Variants in ZNF469 observed in about 807,000 individuals in gnomAD.
The protein encoded by ZNF469 is zinc finger protein 469.
Under a neutral mutation model 1.0 loss-of-function variants are expected in ZNF469, and 1 was observed. The observed-to-expected ratio is 1.00, with a 90% CI of 0.35 to 4.73. ZNF469 has a LOEUF of 4.73. Among genes scored for constraint, ZNF469 ranks in the 30% most tolerant of loss-of-function variants. The pLI, the probability that ZNF469 is intolerant of heterozygous loss-of-function variation, is 0.16. For missense variants in ZNF469, 6,100 were observed against 5,356.3 expected (o/e 1.14, Z -4.33); for synonymous variants, 2,703 against 2,363.4 (o/e 1.14, Z -4.17).
At chr16:88,270,434 G>T in the ZNF469 span, among the ~76,000 whole-genome samples, 1 of 152,178 alleles carries the variant, frequency 6.6e-6, no homozygotes, top group Non-Finnish European at 1.5e-5. Context: ...CTGCCTGGAG[G>T]GTATGGAAAA....
the ZNF469 span, among the ~76,000 whole-genome samples, chr16:88,355,581 G>T: frequency 1.3e-5 from 2 of 152,220 alleles, no homozygotes; most frequent in Admixed American, 1.3e-4. Context: ...TCAGATCTCA[G>T]TGCTGGTGGT....
At chr16:88,289,348 G>T in the ZNF469 span, among the ~76,000 whole-genome samples, 1 of 150,362 alleles carries the variant, frequency 6.7e-6, no homozygotes, top group Non-Finnish European at 1.5e-5. Context: ...GTTGATGAGG[G>T]TGTTGATGAG....
chr16:88,246,463 C>T, the ZNF469 span, among the ~76,000 whole-genome samples: 1 of 152,164 alleles, frequency 6.6e-6, no homozygotes, highest in African/African-American at 2.4e-5. Context: ...TGTTGAAGGA[C>T]CTGTAGGCAT....
chr16:88,404,963 G>A (rs1309399713), intron 1 of ZNF469, among the ~76,000 whole-genome samples: 5 of 152,202 alleles, frequency 3.3e-5, no homozygotes, highest in African/African-American at 7.2e-5. Flanking sequence ...GGCTGTGCAG[G>A]GGGACTTCAG....
chr16:88,348,164 C>T, the ZNF469 span, among the ~76,000 whole-genome samples: 1 of 152,218 alleles, frequency 6.6e-6, no homozygotes. Flanking sequence ...GCAGCAGAAG[C>T]GATCCTTTCA....
chr16:88,184,792 C>T, the ZNF469 span, among the ~76,000 whole-genome samples: 1 of 152,236 alleles, frequency 6.6e-6, no homozygotes. Context: ...TCAACCTCGT[C>T]ACGCTGCAAG....
chr16:88,315,267 CCT>C, the ZNF469 span, among the ~76,000 whole-genome samples: 1 of 152,164 alleles, frequency 6.6e-6, no homozygotes, highest in Non-Finnish European at 1.5e-5. Flanking sequence ...GTGTTGGTGC[CCT>C]CTGAGGTCCC....
chr16:88,211,477 G>A, the ZNF469 span, among the ~76,000 whole-genome samples: 1 of 152,210 alleles, frequency 6.6e-6, no homozygotes, highest in East Asian at 1.9e-4. Context: ...TTCTTTGAAT[G>A]TCTAGTGATC....
At chr16:88,406,515 C>A (rs1905033495) in intron 1 of ZNF469, among the ~76,000 whole-genome samples, 1 of 152,236 alleles carries the variant, frequency 6.6e-6, no homozygotes, top group Non-Finnish European at 1.5e-5. Context: ...AGCAGAGGAT[C>A]TCCAGGTTAT....
At chr16:88,185,357 C>CG in the ZNF469 span, among the ~76,000 whole-genome samples, 27 of 139,044 alleles carry the variant, frequency 1.9e-4, no homozygotes, top group African/African-American at 7.4e-4. Flanking sequence ...CATGCACACA[C>CG]AAACATACCT....
At chr16:88,265,570 CGT>C in the ZNF469 span, among the ~76,000 whole-genome samples, 1 of 152,168 alleles carries the variant, frequency 6.6e-6, no homozygotes, top group Non-Finnish European at 1.5e-5. Flanking sequence ...GTGCGTGCAG[CGT>C]GTGGCATCTG....
the ZNF469 span, among the ~76,000 whole-genome samples, chr16:88,122,783 ATATATATGTG>A: frequency 1.5e-5 from 2 of 134,016 alleles, no homozygotes; most frequent in South Asian, 5.1e-4. Context: ...CTCTGTGTGT[ATATATATGTG>A]TATATATATG....
At chr16:88,200,764 G>A in the ZNF469 span, among the ~76,000 whole-genome samples, 1 of 152,386 alleles carries the variant, frequency 6.6e-6, no homozygotes, top group Admixed American at 6.5e-5. Context: ...TAAACAAGAT[G>A]TGTTTCCAAG....
the ZNF469 span, among the ~76,000 whole-genome samples, chr16:88,200,271 C>G: frequency 6.6e-6 from 1 of 152,218 alleles, no homozygotes; most frequent in African/African-American, 2.4e-5. Context: ...AAAGGGCTAG[C>G]CTGTGCCCAG....
the ZNF469 span, among the ~76,000 whole-genome samples, chr16:88,106,276 G>A: frequency 1.9e-4 from 29 of 152,224 alleles, no homozygotes; most frequent in South Asian, 5.2e-3. Context: ...CCGCTCCTGC[G>A]CCCACCTCTC....
chr16:88,336,274 T>C, the ZNF469 span, among the ~76,000 whole-genome samples: 1 of 150,154 alleles, frequency 6.7e-6, no homozygotes, highest in East Asian at 2.0e-4. Flanking sequence ...TGTTCATCCT[T>C]CATGTGAGAC....
At chr16:88,349,430 C>T in the ZNF469 span, among the ~76,000 whole-genome samples, 4 of 151,286 alleles carry the variant, frequency 2.6e-5, no homozygotes, top group African/African-American at 7.3e-5. Flanking sequence ...CCCAAGTGCA[C>T]ACACCAGGCA....
chr16:88,433,469 A>G lies in ZNF469; in HGVS notation c.5999A>G (p.Gln2000Arg). 2 of 1,550,382 alleles carry G rather than the reference A, an allele frequency of 1.3e-6. No homozygotes were observed. The highest frequency in any genetic ancestry group is 8.7e-7 in the Non-Finnish European group (1 of 1,146,954). Residue 2000 changes from glutamine (Q) to arginine (R), a missense_variant, in exon 3 of 3, where the codon CAG becomes CGG. Gln to Arg is a conservative substitution (Grantham distance 43, BLOSUM62 1). Transcript: ENST00000565624. ...ACCCAGGGCCAAGGCACAGCCAACCAGCTTCAGCCAGAGAACGGGGTGAGC... is the reference window on the plus strand; with the variant it reads ...ACCCAGGGCCAAGGCACAGCCAACCGGCTTCAGCCAGAGAACGGGGTGAGC... ...EKTQGQGTAN[Q>R]LQPENGVSPG...
chr16:88,437,341 G>T lies in ZNF469; in HGVS notation c.9871G>T (p.Ala3291Ser). The T allele has an allele frequency of 6.5e-7, 1 of 1,545,250 alleles. No homozygotes were observed. The highest frequency in any genetic ancestry group is 8.7e-7 in the Non-Finnish European group (1 of 1,144,582). The change falls in exon 3 of 3, where the codon GCC becomes TCC. Residue 3291 changes from alanine (A) to serine (S), a missense_variant. Physicochemically the swap from Ala to Ser is moderately conservative, Grantham distance 99 (BLOSUM62 1). Transcript: ENST00000565624. The part of the protein sequence containing the change: ...NPDGAATPDS[A>S]SATALADAGS... ...AGACGGGGCCGCGACCCCAGACAGCGCCTCTGCCACCGCCCTGGCTGACGC... is the reference window on the plus strand; with the variant it reads ...AGACGGGGCCGCGACCCCAGACAGCTCCTCTGCCACCGCCCTGGCTGACGC...
Sources: gnomAD v4.1 joint callset for allele counts (sites outside exome capture counted in the v4.1 genomes callset) on GRCh38, gnomAD v4.1.1 for gene constraint, MANE v1.5 for transcripts, NCBI Gene and HGNC (gene_info 2026-07-23, HGNC 2026-07-21) for gene names.